ATF6: variants seen among roughly 807,000 people sequenced by gnomAD.
The protein encoded by ATF6 is activating transcription factor 6.
Under a neutral mutation model 83.6 loss-of-function variants are expected in ATF6, and 53 were observed. The ratio of observed to expected loss-of-function variants is 0.63; its 90% confidence interval spans 0.51 to 0.80. The LOEUF (loss-of-function observed/expected upper bound fraction) is 0.80, where lower values mean the gene tolerates loss of function less well. Ranked by LOEUF, ATF6 falls within the 30% of genes least tolerant of loss-of-function variation. ATF6 has a pLI of 0.00. For synonymous variants in ATF6, 288 were observed against 285.8 expected, an observed-to-expected ratio of 1.01 and a Z score of -0.08; for missense variants, 744 against 797.9, an observed-to-expected ratio of 0.93 and a Z score of 0.81.
At chr1:161,827,548 C>G (rs185860656) in intron 9 of ATF6, among the ~76,000 whole-genome samples, 131 of 152,080 alleles carry the variant, frequency 8.6e-4, no homozygotes, top group African/African-American at 2.9e-3. Context: ...GGAACCTAAA[C>G]TCTTTTAGAA....
chr1:161,786,813 C>T (rs181286117), intron 4 of ATF6, among the ~76,000 whole-genome samples: 3 of 152,282 alleles, frequency 2.0e-5, no homozygotes, highest in Admixed American at 6.5e-5. Context: ...CTTCAGCTCT[C>T]GTTTAAATTG....
intron 15 of ATF6, among the ~76,000 whole-genome samples, chr1:161,920,294 C>CTTGTTTTTTTTTTTTTTTTTTTTTTTT (rs1688182085): frequency 1.8e-5 from 1 of 54,846 alleles, no homozygotes. Context: ...CTCTCTCTCT[C>CTTGTTTTTTTTTTTTTTTTTTTTTTTT]TTTTTTTTTT....
At chr1:161,784,136 T>C (rs1290862409) in intron 4 of ATF6, 40 bp downstream of exon 4, 1 of 1,398,320 alleles carries the variant, frequency 7.2e-7, no homozygotes, top group Non-Finnish European at 1.0e-6. Context: ...GGTTATAATA[T>C]GCTATCTGGA....
intron 9 of ATF6, among the ~76,000 whole-genome samples, chr1:161,832,363 C>G (rs955751311): frequency 2.5e-4 from 38 of 152,210 alleles, no homozygotes; most frequent in African/African-American, 9.2e-4. Flanking sequence ...GCATTTCCAA[C>G]TGAGGTACAG....
In ATF6 at chr1:161,963,808, G is replaced by A. The variant is rs1400930444; in HGVS notation, c.*5154G>A. Reference sequence around the variant, plus strand: ...AGTATGGATGGTCTAAGTCCAGTAGGGCTTCATCCATGGAGCCATTAGAAC... The same window carrying A: ...AGTATGGATGGTCTAAGTCCAGTAGAGCTTCATCCATGGAGCCATTAGAAC... On this transcript the variant is annotated 3_prime_UTR_variant, in exon 16 of 16. Transcript: ENST00000367942. 1 of 152,092 alleles carries A rather than the reference G, an allele frequency of 6.6e-6. No individual in the cohort carries two copies. The highest frequency in any genetic ancestry group is 1.5e-5 in the Non-Finnish European group (1 of 68,028). The allele number at this position is 152,092 out of a possible 1,614,324, so 9.4% of individuals were successfully genotyped here.
intron 15 of ATF6, among the ~76,000 whole-genome samples, chr1:161,953,068 A>C (rs1688895984): frequency 6.6e-6 from 1 of 152,222 alleles, no homozygotes; most frequent in African/African-American, 2.4e-5. Flanking sequence ...TACAAGAATT[A>C]GATGAGCAGT....
intron 7 of ATF6, among the ~76,000 whole-genome samples, chr1:161,803,291 T>G (rs1296886157): frequency 6.6e-6 from 1 of 152,178 alleles, no homozygotes; most frequent in Non-Finnish European, 1.5e-5. Context: ...TTGTAAAAAT[T>G]CATAACAAAG....
At chr1:161,913,413 A>G (rs1688030434) in intron 15 of ATF6, among the ~76,000 whole-genome samples, 1 of 152,226 alleles carries the variant, frequency 6.6e-6, no homozygotes, top group African/African-American at 2.4e-5. Flanking sequence ...CTTTAGGGGA[A>G]AAGTGGTATT....
intron 15 of ATF6, among the ~76,000 whole-genome samples, chr1:161,919,129 T>C (rs1571236824): frequency 6.6e-6 from 1 of 152,248 alleles, no homozygotes; most frequent in East Asian, 1.9e-4. Flanking sequence ...CTTTGCATTC[T>C]GTTTATTATT....
At position 161,937,703 on chromosome 1, in the gene ATF6, A is replaced by G. The variant is rs556938442; in HGVS notation, c.1805-20743A>G. ...GGAGTTGAACAATGAGAACACACGG[A>G]CACAGGGAGGGGAACATCACACATC... is the stretch of plus-strand genomic sequence containing the variant. On this transcript the variant is annotated intron_variant, in intron 15 of 15. Transcript: ENST00000367942. 1.9e-3 allele frequency among the ~76,000 whole-genome samples: 288 copies of G among 151,410 alleles called. 2 individuals carry two copies. The highest frequency in any genetic ancestry group is 0.017 in the Middle Eastern group (5 of 294).
chr1:161,808,393 A>G (rs1223933801), intron 7 of ATF6, among the ~76,000 whole-genome samples: 2 of 152,002 alleles, frequency 1.3e-5, no homozygotes, highest in East Asian at 1.9e-4. Context: ...TTTTGTGTGC[A>G]TTCTTCTGGA....
At chr1:161,839,278 A>G (rs1557988640) in intron 9 of ATF6, among the ~76,000 whole-genome samples, 1 of 152,242 alleles carries the variant, frequency 6.6e-6, no homozygotes, top group Non-Finnish European at 1.5e-5. Context: ...AAAATTATAA[A>G]TTCTTTGGAC....
chr1:161,878,444 A>T (rs1036020293), intron 14 of ATF6, among the ~76,000 whole-genome samples: 2 of 152,138 alleles, frequency 1.3e-5, no homozygotes, highest in Non-Finnish European at 2.9e-5. Flanking sequence ...ATGGATTTAC[A>T]TGGGAATAAT....
chr1:161,827,856 CT>C (rs1264043776), intron 9 of ATF6, among the ~76,000 whole-genome samples: 1 of 152,040 alleles, frequency 6.6e-6, no homozygotes, highest in Non-Finnish European at 1.5e-5. Context: ...ACTAAATGGA[CT>C]TATAAGGGTT....
chr1:161,840,590 T>C (rs1686333396), intron 9 of ATF6: 1 of 152,234 alleles, frequency 6.6e-6, no homozygotes, highest in South Asian at 2.1e-4. Context: ...AGACTGAGTA[T>C]CTGAAACCAC....
At chr1:161,838,108 G>A (rs921243556) in intron 9 of ATF6, among the ~76,000 whole-genome samples, 2 of 152,344 alleles carry the variant, frequency 1.3e-5, no homozygotes, top group African/African-American at 4.8e-5. Flanking sequence ...TAAAGCTTAG[G>A]ATTGGCTGTG....
intron 1 of ATF6, among the ~76,000 whole-genome samples, chr1:161,770,010 A>T (rs12036538): frequency 0.12 from 18,070 of 152,102 alleles, 1,611 homozygotes; most frequent in East Asian, 0.31. Context: ...ATGTATCCAT[A>T]ATTACAGTAT....
chr1:161,935,345 A>T (rs570303204), intron 15 of ATF6, among the ~76,000 whole-genome samples: 1 of 152,306 alleles, frequency 6.6e-6, no homozygotes, highest in East Asian at 1.9e-4. Flanking sequence ...GGCTTCATGC[A>T]TGGGATTAGT....
At chr1:161,867,736 T>C (rs1350165271) in intron 14 of ATF6, among the ~76,000 whole-genome samples, 1 of 152,220 alleles carries the variant, frequency 6.6e-6, no homozygotes, top group Non-Finnish European at 1.5e-5. Flanking sequence ...TCAGTACCTG[T>C]CTCAAATTGT....
Sources: gnomAD v4.1 joint callset for allele counts (sites outside exome capture counted in the v4.1 genomes callset) on GRCh38, gnomAD v4.1.1 for gene constraint, MANE v1.5 for transcripts, NCBI Gene and HGNC (gene_info 2026-07-23, HGNC 2026-07-21) for gene names.